Variants in PRDM11 observed in about 807,000 individuals in gnomAD.
PRDM11 encodes PR domain-containing protein 11.
In PRDM11, 20 loss-of-function variants were observed where a neutral mutation model predicts 97.8. That is an observed-to-expected ratio of 0.20 (90% CI 0.14 to 0.30). The LOEUF (loss-of-function observed/expected upper bound fraction) is 0.30, where lower values mean the gene tolerates loss of function less well. Among genes scored for constraint, PRDM11 ranks in the 10% least tolerant of loss-of-function variants. The pLI is 1.00. For missense variants in PRDM11, 1,139 were observed against 1,555.2 expected (o/e 0.73, Z 4.50); for synonymous variants, 599 against 637.7 (o/e 0.94, Z 0.91).
At position 45,226,098 on chromosome 11, in the gene PRDM11, T is replaced by C; in HGVS notation, c.1473T>C (p.Asp491=). The change falls in exon 8 of 8, where the codon GAT becomes GAC. Residue 491 remains aspartate (D), a synonymous_variant. Coordinates refer to ENST00000683152, the MANE Select transcript of PRDM11 (RefSeq NM_001384648.1). ...CCAATGATATGATGACAGCGACGGATGAGCCCTCCAAGATGTCATCGGCCA... is the reference window on the plus strand; with the variant it reads ...CCAATGATATGATGACAGCGACGGACGAGCCCTCCAAGATGTCATCGGCCA... ...SVSNDMMTAT[D]EPSKMSSATG... 6.5e-7 allele frequency: 1 copy of C among 1,532,608 alleles called. No individual in the cohort carries two copies. Among genetic ancestry groups the C allele is most frequent in the Non-Finnish European group, 8.7e-7 (1 of 1,145,554 alleles). 94.9% of individuals were successfully genotyped at this position (1,532,608 alleles called of 1,614,324 possible).
At chr11:45,159,472 A>G (rs1388991938) in intron 1 of PRDM11, among the ~76,000 whole-genome samples, 2 of 152,340 alleles carry the variant, frequency 1.3e-5, no homozygotes, top group Non-Finnish European at 1.5e-5. Context: ...CAAGCTTGGG[A>G]GTAGCTACTG....
intron 1 of PRDM11, among the ~76,000 whole-genome samples, chr11:45,111,737 A>C (rs1852186449): frequency 6.6e-6 from 1 of 152,080 alleles, no homozygotes; most frequent in South Asian, 2.1e-4. Flanking sequence ...CGAGGGAGAA[A>C]TGCTTCCATC....
chr11:45,153,719 G>A (rs1851718904), intron 1 of PRDM11, among the ~76,000 whole-genome samples: 1 of 152,222 alleles, frequency 6.6e-6, no homozygotes, highest in Non-Finnish European at 1.5e-5. Flanking sequence ...TTCTGTAAAT[G>A]GACTCAGTAA....
intron 1 of PRDM11, among the ~76,000 whole-genome samples, chr11:45,100,833 A>AG (rs1851960505): frequency 1.3e-5 from 2 of 152,242 alleles, no homozygotes; most frequent in South Asian, 4.1e-4. Context: ...TTGGATGTGC[A>AG]CAATAACCAG....
chr11:45,219,691 A>G lies in PRDM11; in HGVS notation c.676A>G (p.Ser226Gly), dbSNP rs376003462. ...RPGEWLRVWYSEDYMKRLHSM... is the reference protein window; with the variant it reads ...RPGEWLRVWYGEDYMKRLHSM... Reference sequence around the variant, plus strand: ...TGGGGAGTGGCTGCGGGTCTGGTACAGCGAGGACTACATGAAGCGCCTGCA... The same window carrying G: ...TGGGGAGTGGCTGCGGGTCTGGTACGGCGAGGACTACATGAAGCGCCTGCA... Residue 226 changes from serine (S) to glycine (G), a missense_variant, in exon 6 of 8, where the codon AGC becomes GGC. Physicochemically the swap from Ser to Gly is moderately conservative, Grantham distance 56. This residue lies in a region of PRDM11 where 429 missense variants were observed against 510.3 expected (regional missense o/e 0.84). Transcript: ENST00000683152. This position sits in a 1 kb window ranked among gnomAD's most constrained non-coding sequence, Gnocchi z 4.2. The G allele has an allele frequency of 6.2e-7, 1 of 1,614,008 alleles. No homozygotes were observed.
chr11:45,189,196 C>T (rs578123671), intron 4 of PRDM11, among the ~76,000 whole-genome samples: 29 of 152,288 alleles, frequency 1.9e-4, no homozygotes, highest in South Asian at 1.5e-3. Flanking sequence ...CCACCACACC[C>T]GGCCGCGAGC....
intron 3 of PRDM11, 27 bp downstream of exon 3, chr11:45,182,376 G>A (rs1220555372): frequency 1.3e-6 from 2 of 1,593,214 alleles, no homozygotes; most frequent in African/African-American, 1.3e-5. Context: ...GCTCTGGGCT[G>A]CTCCTCCCTT....
intron 4 of PRDM11, among the ~76,000 whole-genome samples, chr11:45,203,852 G>T (rs2135794641): frequency 6.6e-6 from 1 of 152,280 alleles, no homozygotes; most frequent in South Asian, 2.1e-4. Flanking sequence ...TGGCCGAGAA[G>T]CTGTATTCAA....
chr11:45,159,709 C>T (rs1315068274), intron 1 of PRDM11, among the ~76,000 whole-genome samples: 5 of 152,296 alleles, frequency 3.3e-5, no homozygotes, highest in African/African-American at 9.6e-5. Flanking sequence ...ATGGGCCTGC[C>T]TGGGCCTTTG....
intron 5 of PRDM11, chr11:45,212,644 C>T (rs536480235): frequency 6.6e-6 from 3 of 456,286 alleles, no homozygotes; most frequent in East Asian, 1.4e-4. Flanking sequence ...ATCCCTCGCC[C>T]CAGGCCCAGG....
chr11:45,214,746 C>T (rs1853906911), intron 5 of PRDM11: 1 of 152,172 alleles, frequency 6.6e-6, no homozygotes, highest in African/African-American at 2.4e-5. Flanking sequence ...TTGAACACAC[C>T]CAGTGTCCAG....
At chr11:45,110,890 C>A (rs1465814826) in intron 1 of PRDM11, among the ~76,000 whole-genome samples, 1 of 152,206 alleles carries the variant, frequency 6.6e-6, no homozygotes, top group Non-Finnish European at 1.5e-5. Flanking sequence ...TTGGAGAAGA[C>A]AATCAGCTCT....
Position 45,169,171 on chromosome 11 carries a change from C to CA in PRDM11, c.-6-12582dup, listed in dbSNP as rs758261534. The stretch of plus-strand genomic sequence containing the variant: ...TAAGTATTTGTTACTTTTTATTGTG[C>CA]AAAAAAAAGTAGATAGAAAAGTATA... On this transcript the variant is annotated intron_variant, in intron 1 of 7. Transcript: ENST00000683152. Among the ~76,000 whole-genome samples, 12 of 151,706 alleles carry CA rather than the reference C, an allele frequency of 7.9e-5. No homozygotes were observed. The South Asian group carries it at 8.3e-4, about 11-fold the overall frequency.
chr11:45,207,013 G>C (rs1853535875), intron 5 of PRDM11, among the ~76,000 whole-genome samples: 1 of 152,190 alleles, frequency 6.6e-6, no homozygotes, highest in Non-Finnish European at 1.5e-5. Flanking sequence ...CATGGTTTCT[G>C]TCCTGTTCTG....
In PRDM11 at chr11:45,230,392, C is replaced by A. The variant is rs964618002; in HGVS notation, c.*2233C>A. On this transcript the variant is annotated 3_prime_UTR_variant, in exon 8 of 8. Transcript: ENST00000683152. Reference sequence around the variant, plus strand: ...CTAGCAAGGAAAGGCTGAAAGCCTCCTTCTGAGGCTTTGAGATTCCCAGCC... The same window carrying A: ...CTAGCAAGGAAAGGCTGAAAGCCTCATTCTGAGGCTTTGAGATTCCCAGCC... The A allele has an allele frequency of 6.6e-6, 1 of 152,180 alleles. No homozygotes were observed. The highest frequency in any genetic ancestry group is 2.4e-5 in the African/African-American group (1 of 41,438). The allele number at this position is 152,180 out of a possible 1,614,324, so 9.4% of individuals were successfully genotyped here. A position where few individuals can be genotyped will look rare whatever the true frequency, so the allele number is the denominator to read the frequency against.
upstream of PRDM11, among the ~76,000 whole-genome samples, chr11:45,145,006 C>G (rs1000780859): frequency 6.6e-6 from 1 of 151,614 alleles, no homozygotes; most frequent in African/African-American, 2.4e-5. Flanking sequence ...TCCCCCAGTA[C>G]CCGACACTCT....
chr11:45,118,490 G>A (rs1002168072), intron 1 of PRDM11, among the ~76,000 whole-genome samples: 5 of 152,152 alleles, frequency 3.3e-5, no homozygotes, highest in Non-Finnish European at 7.4e-5. Context: ...TAAAAATGAT[G>A]ACACATCATG....
intron 1 of PRDM11, among the ~76,000 whole-genome samples, chr11:45,170,363 C>T (rs996617483): frequency 5.9e-5 from 9 of 151,918 alleles, no homozygotes; most frequent in Admixed American, 4.6e-4. Context: ...GAAAAAAATC[C>T]AGCAAAGAAG....
intron 4 of PRDM11, among the ~76,000 whole-genome samples, chr11:45,187,558 G>A (rs935048564): frequency 6.6e-6 from 1 of 152,212 alleles, no homozygotes; most frequent in Non-Finnish European, 1.5e-5. Flanking sequence ...CCAGTCACGA[G>A]TAGGCGTGGC....
Sources: allele counts gnomAD v4.1 joint callset (sites outside exome capture counted in the v4.1 genomes callset), GRCh38; gene constraint gnomAD v4.1.1; regional missense constraint gnomAD v4.1.1; non-coding constraint Gnocchi (gnomAD v3.1); transcripts MANE v1.5; gene names NCBI Gene and HGNC (gene_info 2026-07-23, HGNC 2026-07-21).